Variants in TYR observed in about 807,000 individuals in gnomAD.
The protein encoded by TYR is LB24-AB.
TYR carries 58 observed loss-of-function variants against 51.5 expected under a neutral mutation model. The ratio of observed to expected loss-of-function variants is 1.13; its 90% CI spans 0.91 to 1.40. TYR has a LOEUF of 1.40. TYR is among the 40% of genes most tolerant of loss of function. The pLI is 0.00. For synonymous variants in TYR, 263 were observed against 235.2 expected (o/e 1.12, Z -1.08); for missense variants, 732 against 647.4 (o/e 1.13, Z -1.42).
At chr11:89,228,072 G>A in intron 3 of TYR, 102 bp downstream of exon 3, 1 of 1,430,550 alleles carries the variant, frequency 7.0e-7, no homozygotes, top group East Asian at 2.3e-5. Context: ...AGAAGTTATG[G>A]TAGTCTATTG....
At chr11:89,226,101 T>G (rs1943972270) in intron 2 of TYR, among the ~76,000 whole-genome samples, 1 of 152,062 alleles carries the variant, frequency 6.6e-6, no homozygotes. Flanking sequence ...AGTTTTAAAT[T>G]TTTCATTTGG....
chr11:89,244,402 C>T (rs1239521611), intron 3 of TYR, among the ~76,000 whole-genome samples: 3 of 152,036 alleles, frequency 2.0e-5, no homozygotes, highest in Admixed American at 1.3e-4. Context: ...CTCAGCTTAG[C>T]ACGGCCTGCT....
At chr11:89,188,231 G>A (rs74756806) in intron 1 of TYR, among the ~76,000 whole-genome samples, 2,168 of 151,778 alleles carry the variant, frequency 0.014, 48 homozygotes, top group African/African-American at 0.05. Context: ...ATATGGTATA[G>A]ACATTAAATC....
At chr11:89,249,620 C>T (rs1024106103) in intron 3 of TYR, among the ~76,000 whole-genome samples, 6 of 151,954 alleles carry the variant, frequency 3.9e-5, no homozygotes, top group Admixed American at 1.3e-4. Flanking sequence ...ATGGAAGCTT[C>T]GGGAGCCAGA....
At chr11:89,213,098 G>A (rs185449436) in intron 2 of TYR, among the ~76,000 whole-genome samples, 76 of 152,170 alleles carry the variant, frequency 5.0e-4, no homozygotes, top group African/African-American at 1.7e-3. Flanking sequence ...GGACAATCAG[G>A]CAAGAGAAAG....
chr11:89,262,766 C>A lies in TYR; in HGVS notation c.1185-22007C>A, dbSNP rs536508493. 2.4e-5 allele frequency among the ~76,000 whole-genome samples: 3 copies of A among 126,850 alleles called. No homozygotes were observed. In the East Asian group the frequency reaches 7.6e-4, roughly 32 times the overall value. The allele number at this position is 126,850 out of a possible 152,430, so 83.2% of individuals were successfully genotyped here. A position where few individuals can be genotyped will look rare whatever the true frequency, so the allele number is the denominator to read the frequency against. ...AGTAGATAAAATAAATTCCTAGAAG[C>A]ACACAAATTACCAAAACAGACTCAA... On this transcript the variant is annotated intron_variant, in intron 3 of 4. Coordinates refer to ENST00000263321, the MANE Select transcript of TYR (RefSeq NM_000372.5).
chr11:89,251,706 A>G (rs150897933), intron 3 of TYR, among the ~76,000 whole-genome samples: 143 of 151,980 alleles, frequency 9.4e-4, no homozygotes, highest in South Asian at 2.3e-3. Context: ...GTCAGGTAAA[A>G]AAAGTCAGGA....
rs149184091 is a variant in TYR at position 89,218,580 on chromosome 11, A to G, written c.1037-9243A>G. The stretch of plus-strand genomic sequence containing the variant: ...AAGAAGAAAAGGAGGAAAATTGACA[A>G]ATTCTTTCCTACATCTTTACAAAAT... On this transcript the variant is annotated intron_variant, in intron 2 of 4. Coordinates refer to ENST00000263321, the MANE Select transcript of TYR (RefSeq NM_000372.5). Among the ~76,000 whole-genome samples the G allele has an allele frequency of 3.0e-4, 45 of 152,270 alleles. No homozygotes were observed. In the East Asian group the frequency reaches 6.4e-3, roughly 22 times the overall value.
intron 4 of TYR, among the ~76,000 whole-genome samples, chr11:89,286,469 A>G (rs1944788081): frequency 6.6e-6 from 1 of 151,780 alleles, no homozygotes; most frequent in Non-Finnish European, 1.5e-5. Flanking sequence ...TTACTCTATG[A>G]AGTAGGTATC....
chr11:89,234,312 ATGT>A (rs1356799517), intron 3 of TYR, among the ~76,000 whole-genome samples: 10 of 144,018 alleles, frequency 6.9e-5, no homozygotes, highest in East Asian at 2.0e-4. Flanking sequence ...GTTTAAGGAA[ATGT>A]TGTTGCTGGT....
chr11:89,249,867 T>C (rs1337709407), intron 3 of TYR, among the ~76,000 whole-genome samples: 1 of 152,038 alleles, frequency 6.6e-6, no homozygotes, highest in East Asian at 1.9e-4. Context: ...ATGTGAAATC[T>C]AAAGCCCAAT....
chr11:89,278,991 C>T (rs1944688998), intron 3 of TYR, among the ~76,000 whole-genome samples: 1 of 151,520 alleles, frequency 6.6e-6, no homozygotes, highest in Non-Finnish European at 1.5e-5. Context: ...CATGATTAAA[C>T]TGGGATATGT....
intron 1 of TYR, among the ~76,000 whole-genome samples, chr11:89,183,054 T>G (rs1288933116): frequency 6.6e-6 from 1 of 152,100 alleles, no homozygotes; most frequent in Non-Finnish European, 1.5e-5. Context: ...TTTTTCTTTA[T>G]GAAAAAGATT....
At chr11:89,222,752 T>G (rs1565403267) in intron 2 of TYR, among the ~76,000 whole-genome samples, 1 of 151,894 alleles carries the variant, frequency 6.6e-6, no homozygotes, top group East Asian at 1.9e-4. Context: ...AAAAAAAAAT[T>G]CTATTGTTGC....
At chr11:89,200,605 T>A (rs1404567167) in intron 2 of TYR, 2 of 151,744 alleles carry the variant, frequency 1.3e-5, no homozygotes, top group Non-Finnish European at 2.9e-5. Context: ...TTAATTTATT[T>A]AAAAAATTAA....
chr11:89,199,672 C>T (rs895040193), intron 2 of TYR, among the ~76,000 whole-genome samples: 6 of 152,170 alleles, frequency 3.9e-5, no homozygotes, highest in Non-Finnish European at 7.3e-5. Flanking sequence ...ACATCTAGCT[C>T]CTATTACATA....
intron 3 of TYR, among the ~76,000 whole-genome samples, chr11:89,242,881 T>G (rs540685801): frequency 1.3e-5 from 2 of 152,244 alleles, no homozygotes; most frequent in African/African-American, 4.8e-5. Flanking sequence ...GAGCATAGTG[T>G]GGTAATGAAT....
intron 2 of TYR, among the ~76,000 whole-genome samples, chr11:89,206,031 A>G (rs1943668346): frequency 6.6e-6 from 1 of 152,164 alleles, no homozygotes; most frequent in African/African-American, 2.4e-5. Context: ...AAATACATTC[A>G]AAAAACTTGA....
Position 89,178,501 on chromosome 11 carries a change from TG to T in TYR, c.549del (p.Ser184GlnfsTer42). 1 of 1,614,202 alleles carries T rather than the reference TG, an allele frequency of 6.2e-7. No homozygotes were observed. The highest frequency in any genetic ancestry group is 1.3e-5 in the African/African-American group (1 of 75,048). On this transcript the variant is annotated frameshift_variant, in exon 1 of 5. Coordinates refer to ENST00000263321, the MANE Select transcript of TYR (RefSeq NM_000372.5). LOFTEE classifies it high-confidence loss of function. ...YDLFVWMHYY[V>X]SMDALLGGSE... ...CTCTTTGTCTGGATGCATTATTATG[TG>T]TCAATGGATGCACTGCTTGGGGGAT...
Sources: allele counts gnomAD v4.1 joint callset (sites outside exome capture counted in the v4.1 genomes callset), GRCh38; gene constraint gnomAD v4.1.1; transcripts MANE v1.5; gene names NCBI Gene and HGNC (gene_info 2026-07-23, HGNC 2026-07-21).